Variants in PRDX6 observed in about 807,000 individuals in gnomAD.
PRDX6 encodes the protein peroxiredoxin 6.
In PRDX6, 13 loss-of-function variants were observed where a neutral mutation model predicts 20.0. The ratio of observed to expected loss-of-function variants is 0.65; its 90% confidence interval spans 0.42 to 1.03. The LOEUF (loss-of-function observed/expected upper bound fraction) is 1.03. Among genes scored for constraint, PRDX6 ranks in the 50% least tolerant of loss-of-function variants. The probability of loss-of-function intolerance (pLI) is 0.00; values close to 1 mark genes in which losing one functional copy is unlikely to be tolerated. For synonymous variants in PRDX6, 85 were observed against 100.8 expected, an observed-to-expected ratio of 0.84 and a Z score of 0.94; for missense variants, 203 against 276.9, an observed-to-expected ratio of 0.73 and a Z score of 1.89.
At chr1:173,487,694 C>CT (rs763739511) in intron 4 of PRDX6, 41 bp from the exon 5 acceptor site, 16 of 1,610,234 alleles carry the variant, frequency 9.9e-6, no homozygotes, top group Non-Finnish European at 1.1e-5. Context: ...TGAAGCTTCA[C>CT]TATGAGATTG....
At chr1:173,477,930 A>C (rs1036588370) in intron 1 of PRDX6, among the ~76,000 whole-genome samples, 1 of 152,116 alleles carries the variant, frequency 6.6e-6, no homozygotes, top group African/African-American at 2.4e-5. Context: ...ACTTCCCCGG[A>C]CTAGTGCCCA....
chr1:173,486,553 C>A, intron 4 of PRDX6, 152 bp downstream of exon 4: 2 of 737,576 alleles, frequency 2.7e-6, no homozygotes, highest in Non-Finnish European at 4.2e-6. Flanking sequence ...CTGAAAGGCC[C>A]TTTTCAAGGT....
At chr1:173,485,087 C>T (rs757021253) in intron 2 of PRDX6, among the ~76,000 whole-genome samples, 1 of 152,124 alleles carries the variant, frequency 6.6e-6, no homozygotes, top group African/African-American at 2.4e-5. Flanking sequence ...GCTATTTTCT[C>T]ATAGCAGTAA....
intron 3 of PRDX6, among the ~76,000 whole-genome samples, chr1:173,485,995 C>G (rs867139142): frequency 2.6e-5 from 4 of 152,144 alleles, no homozygotes; most frequent in African/African-American, 7.2e-5. Context: ...GCCTTTCCCT[C>G]GATTAAATTT....
In PRDX6 at chr1:173,483,151, G is replaced by A. The variant is rs35734408; in HGVS notation, c.252+1669G>A. Among the ~76,000 whole-genome samples the A allele has an allele frequency of 6.5e-3, 994 of 152,264 alleles. 13 individuals carry two copies. Among genetic ancestry groups the A allele is most frequent in the African/African-American group, 0.023 (941 of 41,552 alleles). On this transcript the variant is annotated intron_variant, in intron 2 of 4. Transcript: ENST00000340385. ...AAAGTGACATATTGCCAAAGGAAGC[G>A]GTTATAGCCCATTATATAATACCTT...
In PRDX6 at chr1:173,477,505, C is replaced by A. The variant is rs377000758; in HGVS notation, c.95+13C>A. 1 of 1,590,924 alleles carries A rather than the reference C, an allele frequency of 6.3e-7. No homozygotes were observed. The highest frequency in any genetic ancestry group is 1.7e-5 in the Admixed American group (1 of 58,404). ...TTCTGGGAGACTCGTAAGTGGCCAC[C>A]GCGTAGCCCTGTCCTGGCCTCGGTT... On this transcript the variant is annotated intron_variant, in intron 1 of 4. Transcript: ENST00000340385.
chr1:173,485,872 C>T (rs144793169), intron 3 of PRDX6, among the ~76,000 whole-genome samples: 57 of 152,244 alleles, frequency 3.7e-4, no homozygotes, highest in African/African-American at 1.2e-3. Flanking sequence ...TTCTGTCCTC[C>T]GCCCACTAGA....
intron 2 of PRDX6, among the ~76,000 whole-genome samples, chr1:173,484,269 T>A (rs1658860794): frequency 6.7e-6 from 1 of 150,140 alleles, no homozygotes; most frequent in Admixed American, 6.7e-5. Context: ...ATATATATAG[T>A]TCCTGATTCC....
intron 3 of PRDX6, 149 bp from the exon 4 acceptor site, chr1:173,486,106 C>T (rs914384899): frequency 1.8e-6 from 1 of 549,360 alleles, no homozygotes; most frequent in African/African-American, 1.9e-5. Flanking sequence ...TTCCAGCCAT[C>T]CACATTAGCA....
At chr1:173,482,969 T>G (rs1658829303) in intron 2 of PRDX6, among the ~76,000 whole-genome samples, 1 of 152,214 alleles carries the variant, frequency 6.6e-6, no homozygotes, top group African/African-American at 2.4e-5. Context: ...CTCAAATCAA[T>G]GTTCTTTTTA....
At chr1:173,484,056 T>C (rs978288441) in intron 2 of PRDX6, among the ~76,000 whole-genome samples, 25 of 147,686 alleles carry the variant, frequency 1.7e-4, no homozygotes, top group African/African-American at 6.3e-4. Flanking sequence ...TGAGCCAAGG[T>C]TGCGGTGAGC....
At position 173,486,505 on chromosome 1, in the gene PRDX6, C is replaced by G. The variant is rs72709303; in HGVS notation, c.546+104C>G. 4.2e-3 allele frequency: 5,238 copies of G among 1,257,946 alleles called. 19 individuals are homozygous for G. The highest frequency in any genetic ancestry group is 5.1e-3 in the Non-Finnish European group (4,725 of 919,192). 77.9% of individuals were successfully genotyped at this position (1,257,946 alleles called of 1,614,324 possible). On this transcript the variant is annotated intron_variant, in intron 4 of 4. Transcript: ENST00000340385. The stretch of plus-strand genomic sequence containing the variant: ...TACCTGTTTCTAGCACGCAAGTACA[C>G]TGGGAGGATTTTTCCTCATGGCTGA...
intron 2 of PRDX6, among the ~76,000 whole-genome samples, chr1:173,483,583 C>T (rs1042716319): frequency 4.6e-5 from 7 of 152,042 alleles, no homozygotes; most frequent in Non-Finnish European, 7.4e-5. Flanking sequence ...TGTTGTTATC[C>T]ACTTCAGAGC....
rs545127211 is a variant in PRDX6 at position 173,481,227 on chromosome 1, A to G, written c.96-99A>G. 8.3e-6 allele frequency: 10 copies of G among 1,210,178 alleles called. No homozygotes were observed. The East Asian group carries it at 2.3e-4, about 28-fold the overall frequency. The allele number at this position is 1,210,178 out of a possible 1,614,324, so 75.0% of individuals were successfully genotyped here. A position where few individuals can be genotyped will look rare whatever the true frequency, so the allele number is the denominator to read the frequency against. Reference sequence around the variant, plus strand: ...ATCATCATAAGCATTCATTTAAAAAAGAAAGCCTGTTTTTGATCCAGAAGT... The same window carrying G: ...ATCATCATAAGCATTCATTTAAAAAGGAAAGCCTGTTTTTGATCCAGAAGT... On this transcript the variant is annotated intron_variant, in intron 1 of 4. Transcript: ENST00000340385.
At chr1:173,485,252 C>G in intron 2 of PRDX6, 109 bp from the exon 3 acceptor site, 1 of 1,070,176 alleles carries the variant, frequency 9.3e-7, no homozygotes, top group East Asian at 2.6e-5. Flanking sequence ...AAGAAAATTA[C>G]TGTGATTTGG....
chr1:173,481,656 T>C (rs1216060445), intron 2 of PRDX6, 174 bp downstream of exon 2: 2 of 665,714 alleles, frequency 3.0e-6, no homozygotes, highest in Non-Finnish European at 5.0e-6. Flanking sequence ...CATTGGTCAG[T>C]CAATTCTCAG....
At chr1:173,479,323 G>A (rs543878082) in intron 1 of PRDX6, among the ~76,000 whole-genome samples, 4 of 152,246 alleles carry the variant, frequency 2.6e-5, no homozygotes, top group Admixed American at 6.5e-5. Context: ...CTACCTTACC[G>A]GGAAGAGAAG....
At chr1:173,478,983 T>C (rs1428168352) in intron 1 of PRDX6, among the ~76,000 whole-genome samples, 1 of 152,222 alleles carries the variant, frequency 6.6e-6, no homozygotes, top group Non-Finnish European at 1.5e-5. Context: ...CCAGCAATCC[T>C]TGGGATTTTT....
rs1433120974 is a variant in PRDX6 at position 173,487,768 on chromosome 1, C to G, written c.580C>G (p.Pro194Ala). 6.2e-7 allele frequency: 1 copy of G among 1,613,932 alleles called. No individual in the cohort carries two copies. The change falls in exon 5 of 5, where the codon CCT (proline) becomes GCT (alanine). Residue 194 changes from proline (P) to alanine (A), a missense_variant. Pro to Ala is a conservative substitution (Grantham distance 27). Coordinates refer to ENST00000340385, the MANE Select transcript of PRDX6 (RefSeq NM_004905.3). ...TAGTGTGATGGTCCTTCCAACCATCCCTGAAGAAGAAGCCAAAAAACTTTT... is the reference window on the plus strand; with the variant it reads ...TAGTGTGATGGTCCTTCCAACCATCGCTGAAGAAGAAGCCAAAAAACTTTT... Reference protein sequence around the residue: ...GDSVMVLPTIPEEEAKKLFPK... With the variant: ...GDSVMVLPTIAEEEAKKLFPK...
Sources: allele counts gnomAD v4.1 joint callset (sites outside exome capture counted in the v4.1 genomes callset), GRCh38; gene constraint gnomAD v4.1.1; transcripts MANE v1.5; gene names NCBI Gene and HGNC (gene_info 2026-07-23, HGNC 2026-07-21).